The following ACTN1 variants were observed in gnomAD, a reference collection of about 807,000 sequenced individuals.
ACTN1 encodes the protein alpha-actinin-1.
ACTN1 carries 30 observed loss-of-function variants against 119.6 expected under a neutral mutation model. The ratio of observed to expected loss-of-function variants is 0.25; its 90% CI spans 0.19 to 0.34. The LOEUF (loss-of-function observed/expected upper bound fraction) is 0.34. Ranked by LOEUF, ACTN1 falls within the 10% of genes least tolerant of loss-of-function variation. The pLI is 1.00. For synonymous variants in ACTN1, 429 were observed against 472.6 expected (o/e 0.91, Z 1.20); for missense variants, 764 against 1,223.4 (o/e 0.62, Z 5.60).
At chr14:68,875,286 C>T in intron 21 of ACTN1, 2 of 822,950 alleles carry the variant, frequency 2.4e-6, no homozygotes, top group South Asian at 3.6e-5. Context: ...GCCAATTACA[C>T]CTATAATCAT....
Position 68,979,023 on chromosome 14 carries a change from A to T in ACTN1, c.34T>A (p.Tyr12Asn). ...DHYDSQQTND[Y>N]MQPEEDWDRD... ...TCCCAGTCCTCTTCTGGCTGCATGT[A>T]ATCGTTGGTTTGCTGAGAATCATAA... Residue 12 changes from tyrosine to asparagine, a missense_variant, in exon 1 of 22, where the codon TAC becomes AAC. Tyr to Asn is a moderately radical substitution (Grantham distance 143). This residue lies in a region of ACTN1 where 64 missense variants were observed against 80.0 expected (regional missense o/e 0.80). Transcript: ENST00000394419. 1 of 1,602,932 alleles carries T rather than the reference A, an allele frequency of 6.2e-7. No individual in the cohort carries two copies. The highest frequency in any genetic ancestry group is 8.5e-7 in the Non-Finnish European group (1 of 1,174,406).
chr14:68,958,349 C>T (rs907357545), intron 1 of ACTN1, among the ~76,000 whole-genome samples: 6 of 152,116 alleles, frequency 3.9e-5, no homozygotes, highest in Admixed American at 2.6e-4. Context: ...GAGGCTCAAA[C>T]CCCTGCCTGA....
intron 6 of ACTN1, among the ~76,000 whole-genome samples, chr14:68,905,385 T>C (rs891186566): frequency 3.9e-5 from 6 of 152,198 alleles, no homozygotes; most frequent in Non-Finnish European, 5.9e-5. Flanking sequence ...GCTGTGAGAA[T>C]AGGATGGTGG....
At chr14:68,939,862 C>T (rs575201306) in intron 1 of ACTN1, among the ~76,000 whole-genome samples, 21 of 152,214 alleles carry the variant, frequency 1.4e-4, no homozygotes, top group South Asian at 6.2e-4. Flanking sequence ...TATATCAAGA[C>T]GTGGTTTTGT....
chr14:68,891,974 T>C lies in ACTN1; in HGVS notation c.1086+79A>G, dbSNP rs1443795772. ...ACGCCCATCCGCACCCCCATAAAGC[T>C]GAATTTGACCACAACTAGGAGCAGC... is the stretch of plus-strand genomic sequence containing the variant. On this transcript the variant is annotated intron_variant, in intron 10 of 21. Transcript: ENST00000394419. 3 of 1,545,168 alleles carry C rather than the reference T, an allele frequency of 1.9e-6. No individual in the cohort carries two copies. In the Admixed American group the frequency reaches 5.7e-5, roughly 29 times the overall value.
At chr14:68,961,885 C>T (rs1438800369) in intron 1 of ACTN1, among the ~76,000 whole-genome samples, 2 of 152,152 alleles carry the variant, frequency 1.3e-5, no homozygotes, top group Non-Finnish European at 2.9e-5. Flanking sequence ...TCATCCACCT[C>T]CAGAAACTAC....
intron 3 of ACTN1, among the ~76,000 whole-genome samples, chr14:68,918,560 G>C (rs1462886949): frequency 1.1e-4 from 17 of 151,190 alleles, no homozygotes; most frequent in African/African-American, 4.1e-4. Flanking sequence ...ACTCCAGCCT[G>C]GGCGACAGAG....
intron 1 of ACTN1, chr14:68,977,729 C>T (rs1278341630): frequency 6.3e-6 from 2 of 316,014 alleles, no homozygotes; most frequent in Non-Finnish European, 1.2e-5. Context: ...TGAATGTTAC[C>T]ATTTTTGGAC....
Position 68,921,071 on chromosome 14 carries a change from T to C in ACTN1, c.275A>G (p.Asn92Ser). 2 of 1,614,192 alleles carry C rather than the reference T, an allele frequency of 1.2e-6. No homozygotes were observed. Among genetic ancestry groups the C allele is most frequent in the Non-Finnish European group, 1.7e-6 (2 of 1,180,008 alleles). Residue 92 changes from asparagine to serine, a missense_variant, in exon 3 of 22, where the codon AAC (asparagine) becomes AGC (serine). Around this residue, in one of 4 missense-constraint regions of ACTN1, gnomAD observed 54 missense variants for 153.2 expected, o/e 0.35. Coordinates refer to ENST00000394419, the MANE Select transcript of ACTN1 (RefSeq NM_001130004.2). ...RGKMRVHKIS[N>S]VNKALDFIAS... ...TATGAAATCCAGGGCCTTGTTGACG[T>C]TGGAGATCTTGTGCACTCTCATCTT...
chr14:68,904,525 T>C (rs2033546580), intron 7 of ACTN1, 130 bp downstream of exon 7: 2 of 694,296 alleles, frequency 2.9e-6, no homozygotes, highest in Non-Finnish European at 5.0e-6. Context: ...ATCCCCATGC[T>C]CCTCAAATGC....
Position 68,885,217 on chromosome 14 carries a change from T to C in ACTN1, c.1385+208A>G, listed in dbSNP as rs2140109363. 6.6e-6 allele frequency among the ~76,000 whole-genome samples: 1 copy of C among 152,204 alleles called. No individual in the cohort carries two copies. The highest frequency in any genetic ancestry group is 2.4e-5 in the African/African-American group (1 of 41,526). On this transcript the variant is annotated intron_variant, in intron 12 of 21. Coordinates refer to ENST00000394419, the MANE Select transcript of ACTN1 (RefSeq NM_001130004.2). This position sits in a 1 kb window ranked among gnomAD's most constrained non-coding sequence, Gnocchi z 5.6. ...TCCTGTACTAGCTACAGGCGAGAAC[T>C]GGTGGCCTTTAACAGGATGGCAGTG...
At position 68,912,710 on chromosome 14, in the gene ACTN1, G is replaced by A. The variant is rs75654389; in HGVS notation, c.341-468C>T. Among the ~76,000 whole-genome samples, 677 of 152,250 alleles carry A rather than the reference G, an allele frequency of 4.4e-3. 11 individuals carry two copies. Among genetic ancestry groups the A allele is most frequent in the African/African-American group, 0.016 (646 of 41,532 alleles). ...TCTTAAAGTTAATGCAATAAACTGT[G>A]ACAGGTGCTGGAAGAGAAGTCTATT... On this transcript the variant is annotated intron_variant, in intron 3 of 21. Coordinates refer to ENST00000394419, the MANE Select transcript of ACTN1 (RefSeq NM_001130004.2).
chr14:68,874,842 CG>C lies in ACTN1; in HGVS notation c.*16del. On this transcript the variant is annotated 3_prime_UTR_variant, in exon 22 of 22. Coordinates refer to ENST00000394419, the MANE Select transcript of ACTN1 (RefSeq NM_001130004.2). Reference sequence around the variant, plus strand: ...CAGGGCACGGCGCACAAGACGAGGGCGGCCGGGCGGGGTGGATTAGAGGTCA... The same window carrying C: ...CAGGGCACGGCGCACAAGACGAGGGCGCCGGGCGGGGTGGATTAGAGGTCA... 6.4e-7 allele frequency: 1 copy of C among 1,551,630 alleles called. No individual in the cohort carries two copies.
chr14:68,898,252 T>C (rs967249180), intron 8 of ACTN1, among the ~76,000 whole-genome samples: 2 of 152,200 alleles, frequency 1.3e-5, no homozygotes, highest in African/African-American at 4.8e-5. Context: ...AAAATCTTAA[T>C]GCTCTCCATC....
intron 10 of ACTN1, among the ~76,000 whole-genome samples, chr14:68,890,550 G>C (rs966278495): frequency 6.6e-6 from 1 of 152,152 alleles, no homozygotes; most frequent in Non-Finnish European, 1.5e-5. Flanking sequence ...TTTGAGAACA[G>C]AGCCCTGTGG....
In ACTN1 at chr14:68,931,747, A is replaced by G. The variant is rs146709130; in HGVS notation, c.106-6075T>C. 5.8e-3 allele frequency among the ~76,000 whole-genome samples: 884 copies of G among 152,302 alleles called. 8 individuals are homozygous for G. Among genetic ancestry groups the G allele is most frequent in the African/African-American group, 0.02 (826 of 41,560 alleles). On this transcript the variant is annotated intron_variant, in intron 1 of 21. Transcript: ENST00000394419. ...AAATGCTAAGCAGAATCACCCACAC[A>G]CAGGCTCCAAAAATGGGAGCTACTA...
At chr14:68,963,690 CAAAG>C (rs1412451270) in intron 1 of ACTN1, among the ~76,000 whole-genome samples, 1 of 152,236 alleles carries the variant, frequency 6.6e-6, no homozygotes, top group Non-Finnish European at 1.5e-5. Context: ...GGCAGCACCA[CAAAG>C]ATGAGTTTTT....
At chr14:68,964,479 C>T (rs1469037825) in intron 1 of ACTN1, among the ~76,000 whole-genome samples, 19 of 152,084 alleles carry the variant, frequency 1.2e-4, no homozygotes, top group Non-Finnish European at 2.9e-5. Flanking sequence ...TCATGAGGGG[C>T]CTCCCTTCTC....
At chr14:68,899,019 A>G (rs1258664239) in intron 8 of ACTN1, among the ~76,000 whole-genome samples, 1 of 134,472 alleles carries the variant, frequency 7.4e-6, no homozygotes, top group Non-Finnish European at 1.6e-5. Flanking sequence ...TCACACCCAC[A>G]GCACACCACA....
Sources: allele counts gnomAD v4.1 joint callset (sites outside exome capture counted in the v4.1 genomes callset), GRCh38; gene constraint gnomAD v4.1.1; regional missense constraint gnomAD v4.1.1; non-coding constraint Gnocchi (gnomAD v3.1); transcripts MANE v1.5; gene names NCBI Gene and HGNC (gene_info 2026-07-23, HGNC 2026-07-21).